CNTN5: variants seen among roughly 807,000 people sequenced by gnomAD.
CNTN5 encodes contactin-5.
Under a neutral mutation model 129.1 loss-of-function variants are expected in CNTN5, and 77 were observed. The ratio of observed to expected loss-of-function variants is 0.60; its 90% confidence interval spans 0.50 to 0.72. The LOEUF (loss-of-function observed/expected upper bound fraction) is 0.72, where lower values mean the gene tolerates loss of function less well. CNTN5 is among the 30% of genes least tolerant of loss of function. The pLI is 0.00. For synonymous variants in CNTN5, 509 were observed against 465.6 expected (o/e 1.09, Z -1.20); for missense variants, 1,478 against 1,328.8 (o/e 1.11, Z -1.75).
intron 13 of CNTN5, among the ~76,000 whole-genome samples, chr11:100,103,047 C>A (rs75512439): frequency 2.0e-5 from 3 of 152,170 alleles, no homozygotes; most frequent in East Asian, 1.9e-4. Context: ...GGACTTCTAG[C>A]TCTAACTTCT....
intron 2 of CNTN5, among the ~76,000 whole-genome samples, chr11:99,421,852 GA>G (rs562940757): frequency 2.7e-3 from 401 of 147,690 alleles, no homozygotes; most frequent in Admixed American, 4.5e-3. Flanking sequence ...CTTTTACTAG[GA>G]AAAAAAAAAT....
chr11:99,190,258 T>C (rs892616348), intron 1 of CNTN5, among the ~76,000 whole-genome samples: 1 of 151,736 alleles, frequency 6.6e-6, no homozygotes, highest in Non-Finnish European at 1.5e-5. Flanking sequence ...TCTATGATTG[T>C]GTTTATATGG....
chr11:99,769,276 C>T (rs1406070093), intron 3 of CNTN5, among the ~76,000 whole-genome samples: 1 of 152,054 alleles, frequency 6.6e-6, no homozygotes, highest in Non-Finnish European at 1.5e-5. Flanking sequence ...TGCCCTAAAC[C>T]TTGTATGTAC....
At chr11:99,510,918 G>C (rs1946810624) in intron 2 of CNTN5, among the ~76,000 whole-genome samples, 4 of 152,104 alleles carry the variant, frequency 2.6e-5, no homozygotes, top group Admixed American at 2.6e-4. Context: ...TATAATCATA[G>C]GAGATGACAG....
intron 2 of CNTN5, among the ~76,000 whole-genome samples, chr11:99,536,367 AG>A (rs956420969): frequency 6.6e-6 from 1 of 152,140 alleles, no homozygotes; most frequent in Admixed American, 6.5e-5. Flanking sequence ...ACAATAAAAC[AG>A]GTAAAAATAT....
At chr11:99,178,450 A>T (rs558830777) in intron 1 of CNTN5, among the ~76,000 whole-genome samples, 1 of 147,802 alleles carries the variant, frequency 6.8e-6, no homozygotes, top group East Asian at 1.9e-4. Flanking sequence ...GAACCCAGGA[A>T]ATTATAGCTG....
chr11:99,153,387 G>A (rs1860168117), intron 1 of CNTN5, among the ~76,000 whole-genome samples: 1 of 151,422 alleles, frequency 6.6e-6, no homozygotes, highest in South Asian at 2.1e-4. Context: ...ACTGGTCTTT[G>A]AACTCTGAGA....
intron 2 of CNTN5, among the ~76,000 whole-genome samples, chr11:99,407,773 C>T (rs1224401857): frequency 1.3e-5 from 2 of 152,162 alleles, no homozygotes; most frequent in African/African-American, 4.8e-5. Context: ...CTCACTAGGA[C>T]TCATTTGAGT....
intron 1 of CNTN5, among the ~76,000 whole-genome samples, chr11:99,299,696 C>T (rs1309290511): frequency 6.6e-6 from 1 of 152,136 alleles, no homozygotes; most frequent in Admixed American, 6.6e-5. Flanking sequence ...TGGTCCCCAA[C>T]TCAATCCATG....
At chr11:99,177,326 T>C (rs1416083168) in intron 1 of CNTN5, among the ~76,000 whole-genome samples, 2 of 152,308 alleles carry the variant, frequency 1.3e-5, no homozygotes, top group Admixed American at 6.5e-5. Flanking sequence ...ATATAATGTC[T>C]ATATAGTGTC....
At chr11:99,833,839 C>T (rs944555610) in intron 4 of CNTN5, among the ~76,000 whole-genome samples, 1 of 152,142 alleles carries the variant, frequency 6.6e-6, no homozygotes, top group African/African-American at 2.4e-5. Flanking sequence ...GTTTCTTGCT[C>T]TAGCTCAGTG....
chr11:99,026,936 T>TAA (rs1394360306), intron 1 of CNTN5, among the ~76,000 whole-genome samples: 2 of 151,686 alleles, frequency 1.3e-5, no homozygotes, highest in East Asian at 3.9e-4. Flanking sequence ...ACATAAAACA[T>TAA]TGTCTTTTAA....
chr11:99,186,046 G>T (rs1187341162), intron 1 of CNTN5, among the ~76,000 whole-genome samples: 12 of 151,740 alleles, frequency 7.9e-5, no homozygotes. Flanking sequence ...TCTGCAGATG[G>T]AGAACCATGT....
chr11:99,645,103 T>A (rs71474532), intron 3 of CNTN5, among the ~76,000 whole-genome samples: 86,904 of 144,122 alleles, frequency 0.6, 26,914 homozygotes, highest in Admixed American at 0.69. Context: ...GTCTCTACTT[T>A]AAAAAAAAAA....
chr11:99,925,912 T>C (rs1950051407), intron 7 of CNTN5, among the ~76,000 whole-genome samples: 2 of 152,082 alleles, frequency 1.3e-5, no homozygotes, highest in South Asian at 4.1e-4. Context: ...ATAGCTATAT[T>C]GTACCATCAT....
At chr11:100,341,756 T>C (rs1952167580) in intron 23 of CNTN5, among the ~76,000 whole-genome samples, 1 of 152,150 alleles carries the variant, frequency 6.6e-6, no homozygotes, top group South Asian at 2.1e-4. Flanking sequence ...GTGCAATTTG[T>C]TTTTGAAAAA....
Position 99,324,275 on chromosome 11 carries a change from C to G in CNTN5, c.-209-1071C>G, listed in dbSNP as rs1031915842. ...TCTTGGTAGTATTTTAACATGGAAT[C>G]TTACTTGATGGCCTTCAATCACTCT... On this transcript the variant is annotated intron_variant, in intron 1 of 24. Transcript: ENST00000524871. Among the ~76,000 whole-genome samples, 4 of 152,254 alleles carry G rather than the reference C, an allele frequency of 2.6e-5. No individual in the cohort carries two copies. The Middle Eastern group carries it at 0.01, about 388-fold the overall frequency.
intron 2 of CNTN5, among the ~76,000 whole-genome samples, chr11:99,434,795 A>G (rs530980069): frequency 1.3e-4 from 20 of 152,318 alleles, no homozygotes; most frequent in South Asian, 1.0e-3. Context: ...AAATATGAAT[A>G]TATTTAGAAG....
At chr11:100,089,295 CAT>C (rs1407461033) in intron 13 of CNTN5, among the ~76,000 whole-genome samples, 1 of 152,016 alleles carries the variant, frequency 6.6e-6, no homozygotes, top group Non-Finnish European at 1.5e-5. Context: ...AGCCAACAAA[CAT>C]ATGCAAAAAA....
Sources: gnomAD v4.1 joint callset for allele counts (sites outside exome capture counted in the v4.1 genomes callset) on GRCh38, gnomAD v4.1.1 for gene constraint, MANE v1.5 for transcripts, NCBI Gene and HGNC (gene_info 2026-07-23, HGNC 2026-07-21) for gene names.